The following FTCD variants were observed in gnomAD, a reference collection of about 807,000 sequenced individuals.
FTCD encodes formimidoyltransferase cyclodeaminase.
FTCD carries 76 observed loss-of-function variants against 62.9 expected under a neutral mutation model. That is an observed-to-expected ratio of 1.21 (90% CI 1.00 to 1.46). The LOEUF (loss-of-function observed/expected upper bound fraction) is 1.46, where lower values mean the gene tolerates loss of function less well. Among genes scored for constraint, FTCD ranks in the 40% most tolerant of loss-of-function variants. The pLI is 0.00. For synonymous variants in FTCD, 397 were observed against 336.9 expected (o/e 1.18, Z -1.95); for missense variants, 845 against 751.3 (o/e 1.12, Z -1.46).
chr21:46,150,880 G>A lies in FTCD; in HGVS notation c.637-355C>T, dbSNP rs577862930. ...CTCCCATCCCATCTGCTCCGCTCCCGACAAGTCCCCTCAGCCCCGCACTTG... is the reference window on the plus strand; with the variant it reads ...CTCCCATCCCATCTGCTCCGCTCCCAACAAGTCCCCTCAGCCCCGCACTTG... On this transcript the variant is annotated intron_variant, in intron 5 of 13. Transcript: ENST00000397746. Among the ~76,000 whole-genome samples the A allele has an allele frequency of 3.9e-5, 6 of 152,356 alleles. No individual in the cohort carries two copies. In the East Asian group the frequency reaches 9.7e-4, roughly 25 times the overall value.
At chr21:46,146,150 A>C in intron 8 of FTCD, 116 bp downstream of exon 8, 1 of 838,232 alleles carries the variant, frequency 1.2e-6, no homozygotes, top group Non-Finnish European at 2.0e-6. Context: ...TAGGCGCCCA[A>C]AGGGAGGCGC....
At chr21:46,141,710 C>T (rs2079011106) in intron 10 of FTCD, among the ~76,000 whole-genome samples, 1 of 146,366 alleles carries the variant, frequency 6.8e-6, no homozygotes, top group Non-Finnish European at 1.5e-5. Flanking sequence ...GGCCTGCCTC[C>T]CCTATTAAAA....
chr21:46,152,909 G>T lies in FTCD; in HGVS notation c.365C>A (p.Pro122Gln). The T allele has an allele frequency of 6.4e-7, 1 of 1,570,338 alleles. No individual in the cohort carries two copies. Residue 122 changes from proline to glutamine, a missense_variant and splice_region_variant, in exon 3 of 14, where the codon CCA becomes CAA. Physicochemically the swap from Pro to Gln is moderately conservative, Grantham distance 76 (BLOSUM62 -1). Coordinates refer to ENST00000397746, the MANE Select transcript of FTCD (RefSeq NM_206965.2). ...GGGGGGCGGGGGGGCACGCTCACCT[G>T]GCACGTCCAGCTCCTCTGCCAGCCT... Reference protein sequence around the residue: ...GQRLAEELDVPVYLYGEAARM... With the variant: ...GQRLAEELDVQVYLYGEAARM...
intron 10 of FTCD, among the ~76,000 whole-genome samples, chr21:46,140,915 C>T (rs78933105): frequency 0.049 from 7,364 of 150,898 alleles, 369 homozygotes; most frequent in East Asian, 0.32. Context: ...CAGCACTCCC[C>T]GTCCACCTTC....
At chr21:46,150,037 C>G in intron 7 of FTCD, 82 bp downstream of exon 7, 1 of 1,288,212 alleles carries the variant, frequency 7.8e-7, no homozygotes, top group African/African-American at 1.5e-5. Context: ...GGAAGCTGCG[C>G]CCCAGGGCTG....
chr21:46,152,022 T>G (rs1601346997), intron 3 of FTCD, 42 bp from the exon 4 acceptor site: 1 of 1,429,074 alleles, frequency 7.0e-7, no homozygotes, highest in Non-Finnish European at 9.6e-7. Context: ...CGGCAGGGGG[T>G]CCAGGACTCA....
chr21:46,151,619 G>C lies in FTCD; in HGVS notation c.575C>G (p.Thr192Arg), dbSNP rs1036000370. The stretch of plus-strand genomic sequence containing the variant: ...CGCGATGCGGTGGGCTTGCTCCTTT[G>C]TGCCGAGCAGGTTGATGTTAAAAGC... ...LIAFNINLLGTKEQAHRIALN... is the reference protein window; with the variant it reads ...LIAFNINLLGRKEQAHRIALN... Residue 192 changes from threonine (T) to arginine (R), a missense_variant, in exon 5 of 14, where the codon ACA becomes AGA. Transcript: ENST00000397746. 3.1e-6 allele frequency: 5 copies of C among 1,613,084 alleles called. No individual in the cohort carries two copies. Among genetic ancestry groups the C allele is most frequent in the Non-Finnish European group, 4.2e-6 (5 of 1,179,954 alleles).
intron 10 of FTCD, among the ~76,000 whole-genome samples, chr21:46,139,687 G>C (rs898387490): frequency 2.0e-5 from 3 of 152,228 alleles, no homozygotes; most frequent in African/African-American, 7.2e-5. Context: ...TGGATCCTTT[G>C]ACCATTCCGA....
At chr21:46,155,391 A>T in intron 1 of FTCD, 79 bp downstream of exon 1, 1 of 1,208,090 alleles carries the variant, frequency 8.3e-7, no homozygotes. Context: ...CAAGCCCACC[A>T]CCTCCTCCAT....
rs534947591 is a variant in FTCD, at chr21:46,150,851, C to T, written c.637-326G>A. Reference sequence around the variant, plus strand: ...GGTGGGGCCCCAGGCACCCCCATGCCGTTCTCCCATCCCATCTGCTCCGCT... The same window carrying T: ...GGTGGGGCCCCAGGCACCCCCATGCTGTTCTCCCATCCCATCTGCTCCGCT... On this transcript the variant is annotated intron_variant, in intron 5 of 13. Coordinates refer to ENST00000397746, the MANE Select transcript of FTCD (RefSeq NM_206965.2). Among the ~76,000 whole-genome samples the T allele has an allele frequency of 3.9e-5, 6 of 152,374 alleles. No homozygotes were observed. In the South Asian group the frequency reaches 6.2e-4, roughly 16 times the overall value.
intron 7 of FTCD, 44 bp downstream of exon 7, chr21:46,150,075 C>G: frequency 7.0e-7 from 1 of 1,419,970 alleles, no homozygotes; most frequent in Non-Finnish European, 9.7e-7. Flanking sequence ...TCCCCACCCT[C>G]CCTGCACGCC....
chr21:46,149,728 C>T (rs116901953), intron 7 of FTCD, among the ~76,000 whole-genome samples: 1,953 of 152,282 alleles, frequency 0.013, 23 homozygotes, highest in Middle Eastern at 0.02. Context: ...CTGAAGGAGC[C>T]GCTCCGTGGA....
Position 46,152,992 on chromosome 21 carries a change from G to A in FTCD, c.282C>T (p.Ile94=), listed in dbSNP as rs368164003. ...RMGALDVCPF[I]PVRGVSVDEC... Reference sequence around the variant, plus strand: ...CATCCACGCTGACGCCCCTCACGGGGATGAAGGGGCAGACGTCTAGGGCCC... The same window carrying A: ...CATCCACGCTGACGCCCCTCACGGGAATGAAGGGGCAGACGTCTAGGGCCC... Residue 94 remains isoleucine, a synonymous_variant, in exon 3 of 14, where the codon ATC becomes ATT. Transcript: ENST00000397746. 38 of 1,551,842 alleles carry A rather than the reference G, an allele frequency of 2.4e-5. 1 individual carries two copies. The Middle Eastern group carries it at 5.0e-4, about 21-fold the overall frequency.
chr21:46,144,287 GT>G (rs921895784), intron 10 of FTCD, among the ~76,000 whole-genome samples: 50 of 150,042 alleles, frequency 3.3e-4, no homozygotes, highest in Middle Eastern at 6.9e-3. Context: ...TTTGTCTTGT[GT>G]CTTTATTTCT....
rs1433598483 is a variant in FTCD, at chr21:46,146,123, G to A, written c.968+143C>T. 4 of 755,632 alleles carry A rather than the reference G, an allele frequency of 5.3e-6. No individual in the cohort carries two copies. In the East Asian group the frequency reaches 1.1e-4, roughly 20 times the overall value. 46.8% of individuals were successfully genotyped at this position (755,632 alleles called of 1,614,324 possible). ...TGCCCCCCTCAGCCCCCAGACCCCG[G>A]CTTGGCGCAGGCCGAGTAGGCGCCC... On this transcript the variant is annotated intron_variant, in intron 8 of 13. Coordinates refer to ENST00000397746, the MANE Select transcript of FTCD (RefSeq NM_206965.2).
Position 46,137,295 on chromosome 21 carries a change from A to G in FTCD, c.1483T>C (p.Tyr495His). The change falls in exon 13 of 14, where the codon TAT (tyrosine) becomes CAT (histidine). Residue 495 changes from tyrosine to histidine, a missense_variant. Physicochemically the swap from Tyr to His is moderately conservative, Grantham distance 83. Coordinates refer to ENST00000397746, the MANE Select transcript of FTCD (RefSeq NM_206965.2). ...KALEMGVFGA[Y>H]FNVLINLRDI... ...CTCAGGTTGATGAGCACGTTGAAAT[A>G]TGCGCCAAACACGCCCATCTCCAGG... is the stretch of plus-strand genomic sequence containing the variant. The G allele has an allele frequency of 1.2e-6, 2 of 1,613,876 alleles. No homozygotes were observed. Among genetic ancestry groups the G allele is most frequent in the South Asian group, 2.2e-5 (2 of 91,086 alleles).
chr21:46,137,230 C>T lies in FTCD; in HGVS notation c.1539+9G>A. The T allele has an allele frequency of 6.2e-7, 1 of 1,607,052 alleles. No homozygotes were observed. The highest frequency in any genetic ancestry group is 8.5e-7 in the Non-Finnish European group (1 of 1,173,782). On this transcript the variant is annotated intron_variant, in intron 13 of 13. Coordinates refer to ENST00000397746, the MANE Select transcript of FTCD (RefSeq NM_206965.2). ...TGGGGTCCGGGCACCACACCTGCCT[C>T]CTGCTCACCTGGTCCTTAAATGCCT...
rs118065081 is a variant in FTCD, at chr21:46,149,393, A to C, written c.906+726T>G. ...TGGGTCAGCGATCTAATAGAAGAAA[A>C]TATGCCCGAGACTAAACAAGGACGG... On this transcript the variant is annotated intron_variant, in intron 7 of 13. Transcript: ENST00000397746. Among the ~76,000 whole-genome samples the C allele has an allele frequency of 6.5e-4, 99 of 152,344 alleles. No homozygotes were observed. In the East Asian group the frequency reaches 0.019, roughly 29 times the overall value.
chr21:46,147,559 G>GCAGC (rs1469517969), intron 7 of FTCD, among the ~76,000 whole-genome samples: 1 of 152,138 alleles, frequency 6.6e-6, no homozygotes, highest in African/African-American at 2.4e-5. Context: ...ACAAAGCAAA[G>GCAGC]CAGCCTCACC....
Sources: allele counts gnomAD v4.1 joint callset (sites outside exome capture counted in the v4.1 genomes callset), GRCh38; gene constraint gnomAD v4.1.1; transcripts MANE v1.5; gene names NCBI Gene and HGNC (gene_info 2026-07-23, HGNC 2026-07-21).